The following IPCEF1 variants were observed in gnomAD, a reference collection of about 807,000 sequenced individuals.
The protein encoded by IPCEF1 is interaction protein for cytohesin exchange factors 1.
Under a neutral mutation model 50.9 loss-of-function variants are expected in IPCEF1, and 31 were observed. The observed-to-expected ratio is 0.61, with a 90% CI of 0.46 to 0.82. The LOEUF is 0.82. IPCEF1 is among the 40% of genes least tolerant of loss of function. The pLI is 0.00. For synonymous variants in IPCEF1, 181 were observed against 192.0 expected (o/e 0.94, Z 0.47); for missense variants, 458 against 514.0 (o/e 0.89, Z 1.05).
rs114320473 is a variant in IPCEF1, at chr6:154,264,430, G to T, written c.36+1482C>A. ...CCTTTGTTGCCCAGGCTGCAGTGCA[G>T]TGACAGATCTCAGCTCACTGCAACC... On this transcript the variant is annotated intron_variant, in intron 3 of 11. Transcript: ENST00000367220. Among the ~76,000 whole-genome samples, 86 of 152,138 alleles carry T rather than the reference G, an allele frequency of 5.7e-4. 1 individual carries two copies. The highest frequency in any genetic ancestry group is 2.0e-3 in the African/African-American group (84 of 41,502).
Position 154,219,485 on chromosome 6 carries a change from GAAAAGAC to G in IPCEF1, c.392+1765_392+1771del, listed in dbSNP as rs1403177890. ...ACTGTTTCACCACCATTCAAGACCA[GAAAAGAC>G]CATTTGGGATGAACTGAGGCTCAGC... On this transcript the variant is annotated intron_variant, in intron 7 of 11. Coordinates refer to ENST00000367220, the MANE Select transcript of IPCEF1 (RefSeq NM_001130700.2). 2.1e-4 allele frequency among the ~76,000 whole-genome samples: 32 copies of G among 152,234 alleles called. No homozygotes were observed. The East Asian group carries it at 6.0e-3, about 29-fold the overall frequency.
At chr6:154,164,077 C>T (rs1055364582) in intron 11 of IPCEF1, among the ~76,000 whole-genome samples, 1 of 152,160 alleles carries the variant, frequency 6.6e-6, no homozygotes, top group African/African-American at 2.4e-5. Context: ...CACCATACTG[C>T]TATTAATGTA....
At chr6:154,329,767 C>A (rs2128692301) in intron 1 of IPCEF1, among the ~76,000 whole-genome samples, 1 of 152,092 alleles carries the variant, frequency 6.6e-6, no homozygotes, top group Non-Finnish European at 1.5e-5. Context: ...TCGCAAACAG[C>A]TCGGCACTAG....
chr6:154,283,576 T>G (rs1468989753), intron 2 of IPCEF1, among the ~76,000 whole-genome samples: 1 of 152,006 alleles, frequency 6.6e-6, no homozygotes, highest in Non-Finnish European at 1.5e-5. Flanking sequence ...CCAGCCTGGG[T>G]GACAGAGTGA....
At chr6:154,217,497 T>C (rs1456647246) in intron 7 of IPCEF1, 2 of 150,758 alleles carry the variant, frequency 1.3e-5, no homozygotes, top group Non-Finnish European at 2.9e-5. Context: ...CGAGCATCGA[T>C]TCAGCATAAA....
chr6:154,235,322 G>A (rs1562558101), intron 5 of IPCEF1, among the ~76,000 whole-genome samples: 1 of 152,182 alleles, frequency 6.6e-6, no homozygotes, highest in Non-Finnish European at 1.5e-5. Flanking sequence ...CCTGAGGTCA[G>A]GAGTTTGAGA....
intron 9 of IPCEF1, among the ~76,000 whole-genome samples, chr6:154,210,982 C>A (rs1298394274): frequency 1.6e-4 from 24 of 152,074 alleles, no homozygotes; most frequent in Non-Finnish European, 4.4e-5. Flanking sequence ...CAGGAACTTG[C>A]AAAACACAAT....
At chr6:154,290,424 T>G (rs377656650) in intron 1 of IPCEF1, among the ~76,000 whole-genome samples, 25 of 152,326 alleles carry the variant, frequency 1.6e-4, no homozygotes, top group African/African-American at 5.8e-4. Context: ...TACTTGGATC[T>G]CTCAAGTTGT....
intron 2 of IPCEF1, among the ~76,000 whole-genome samples, chr6:154,271,326 G>A (rs1289770278): frequency 6.6e-6 from 1 of 151,970 alleles, no homozygotes; most frequent in Non-Finnish European, 1.5e-5. Context: ...CTGCACTCCA[G>A]CCTGGATGAC....
At chr6:154,288,697 A>C (rs1782435833) in intron 2 of IPCEF1, among the ~76,000 whole-genome samples, 5 of 147,094 alleles carry the variant, frequency 3.4e-5, no homozygotes, top group African/African-American at 1.3e-4. Flanking sequence ...AAAAAAAAAA[A>C]AAAAAAAACT....
intron 10 of IPCEF1, among the ~76,000 whole-genome samples, chr6:154,178,289 A>T (rs1341979701): frequency 6.6e-6 from 1 of 152,156 alleles, no homozygotes; most frequent in Non-Finnish European, 1.5e-5. Flanking sequence ...AAAGTATAAT[A>T]ATAAAAAAAA....
intron 5 of IPCEF1, among the ~76,000 whole-genome samples, chr6:154,223,867 G>A (rs964329356): frequency 2.0e-5 from 3 of 152,172 alleles, no homozygotes; most frequent in Admixed American, 6.5e-5. Context: ...TCCCATCATT[G>A]ATTTCTGGGA....
At chr6:154,204,606 C>T (rs1027603695) in intron 9 of IPCEF1, among the ~76,000 whole-genome samples, 3 of 151,938 alleles carry the variant, frequency 2.0e-5, no homozygotes, top group Non-Finnish European at 2.9e-5. Context: ...TGACCTTGGG[C>T]AATGTGCTGA....
At chr6:154,343,509 G>A (rs1562296780) in intron 1 of IPCEF1, among the ~76,000 whole-genome samples, 2 of 152,024 alleles carry the variant, frequency 1.3e-5, no homozygotes, top group Non-Finnish European at 2.9e-5. Flanking sequence ...CACTTCCCTG[G>A]GAAAGCTTTT....
intron 1 of IPCEF1, among the ~76,000 whole-genome samples, chr6:154,292,108 C>G (rs757569075): frequency 6.6e-6 from 1 of 152,142 alleles, no homozygotes; most frequent in African/African-American, 2.4e-5. Context: ...TGGATTTAAT[C>G]AGGGATCACC....
intron 2 of IPCEF1, among the ~76,000 whole-genome samples, chr6:154,282,524 C>T (rs972154173): frequency 2.7e-4 from 41 of 151,900 alleles, no homozygotes; most frequent in East Asian, 1.6e-3. Context: ...CTACTAAAAA[C>T]ACACACAAAA....
chr6:154,352,683 A>G (rs1334134048), intron 1 of IPCEF1, among the ~76,000 whole-genome samples: 1 of 152,176 alleles, frequency 6.6e-6, no homozygotes, highest in African/African-American at 2.4e-5. Context: ...AAGCCAAAAT[A>G]TTTTATTTTG....
At chr6:154,343,316 G>A (rs1783957778) in intron 1 of IPCEF1, among the ~76,000 whole-genome samples, 1 of 151,378 alleles carries the variant, frequency 6.6e-6, no homozygotes, top group African/African-American at 2.4e-5. Context: ...GGCTACAAAA[G>A]GGAAATAAGT....
chr6:154,209,968 A>C lies in IPCEF1; in HGVS notation c.537+2802T>G, dbSNP rs146863528. Among the ~76,000 whole-genome samples the C allele has an allele frequency of 4.2e-3, 637 of 152,362 alleles. 6 individuals are homozygous for C. The highest frequency in any genetic ancestry group is 0.014 in the African/African-American group (594 of 41,594). On this transcript the variant is annotated intron_variant, in intron 9 of 11. Transcript: ENST00000367220. ...GATTGATGATTCAAAAAATTTAAAG[A>C]TACTTCTGAGTTCAGTGACCTAACT...
Sources: gnomAD v4.1 joint callset for allele counts (sites outside exome capture counted in the v4.1 genomes callset) on GRCh38, gnomAD v4.1.1 for gene constraint, MANE v1.5 for transcripts, NCBI Gene and HGNC (gene_info 2026-07-23, HGNC 2026-07-21) for gene names.